Variants in KIAA0319L observed in about 807,000 individuals in gnomAD.
KIAA0319L encodes the protein dyslexia-associated protein KIAA0319-like protein.
In KIAA0319L, 55 loss-of-function variants were observed where a neutral mutation model predicts 120.1. The observed-to-expected ratio is 0.46, with a 90% confidence interval of 0.37 to 0.57. The LOEUF is 0.57. Among genes scored for constraint, KIAA0319L ranks in the 20% least tolerant of loss-of-function variants. The pLI, the probability that KIAA0319L is intolerant of heterozygous loss-of-function variation, is 0.00. For missense variants in KIAA0319L, 1,049 were observed against 1,255.3 expected, an observed-to-expected ratio of 0.84 and a Z score of 2.48; for synonymous variants, 398 against 471.9, an observed-to-expected ratio of 0.84 and a Z score of 2.03.
At chr1:35,515,413 CAATTACATG>C (rs1282342791) in intron 2 of KIAA0319L, among the ~76,000 whole-genome samples, 1 of 151,848 alleles carries the variant, frequency 6.6e-6, no homozygotes, top group Middle Eastern at 3.2e-3. Flanking sequence ...CAAAACCATG[CAATTACATG>C]AATTACATGA....
At chr1:35,542,514 T>C (rs1386061524) in intron 2 of KIAA0319L, among the ~76,000 whole-genome samples, 4 of 152,322 alleles carry the variant, frequency 2.6e-5, no homozygotes, top group South Asian at 2.1e-4. Flanking sequence ...CTTAACCATA[T>C]GGGCTTTTCT....
At chr1:35,485,304 T>G (rs2148336315) in intron 3 of KIAA0319L, among the ~76,000 whole-genome samples, 1 of 152,274 alleles carries the variant, frequency 6.6e-6, no homozygotes, top group Admixed American at 6.5e-5. Flanking sequence ...GGTTTTTTTT[T>G]CTTGTTTTTA....
chr1:35,502,296 A>C (rs943975776), intron 3 of KIAA0319L, among the ~76,000 whole-genome samples: 1 of 151,882 alleles, frequency 6.6e-6, no homozygotes, highest in Non-Finnish European at 1.5e-5. Flanking sequence ...AAAAGAAAAA[A>C]AAAACAGGAA....
chr1:35,477,390 G>A (rs143576365), intron 4 of KIAA0319L, among the ~76,000 whole-genome samples: 6,045 of 152,170 alleles, frequency 0.04, 149 homozygotes, highest in Non-Finnish European at 0.051. Flanking sequence ...TGAGATGGCC[G>A]GGCGCGGTGG....
chr1:35,481,824 T>C (rs1481720500), intron 3 of KIAA0319L, among the ~76,000 whole-genome samples: 4 of 131,938 alleles, frequency 3.0e-5, no homozygotes, highest in Admixed American at 1.5e-4. Context: ...CTTTTTTTTT[T>C]TTTTTTTTTT....
At chr1:35,483,902 G>A (rs1020686543) in intron 3 of KIAA0319L, among the ~76,000 whole-genome samples, 1 of 152,144 alleles carries the variant, frequency 6.6e-6, no homozygotes, top group African/African-American at 2.4e-5. Context: ...TCTAGCTCCT[G>A]GAGGCTCTTA....
chr1:35,484,806 A>ATATTT (rs1381080295), intron 3 of KIAA0319L, among the ~76,000 whole-genome samples: 27 of 86,250 alleles, frequency 3.1e-4, no homozygotes, highest in Middle Eastern at 5.1e-3. Context: ...ATATATATAT[A>ATATTT]TTTTTTTTTT....
At chr1:35,508,736 A>T (rs1645305128) in intron 2 of KIAA0319L, among the ~76,000 whole-genome samples, 1 of 152,184 alleles carries the variant, frequency 6.6e-6, no homozygotes, top group Non-Finnish European at 1.5e-5. Context: ...GAGTGAACAG[A>T]CTTTGTTGAA....
intron 2 of KIAA0319L, among the ~76,000 whole-genome samples, chr1:35,535,814 GATC>G (rs1254550039): frequency 2.6e-5 from 4 of 152,042 alleles, no homozygotes; most frequent in African/African-American, 4.8e-5. Flanking sequence ...TCTCTCACCA[GATC>G]ATATTTGTTT....
At chr1:35,509,081 T>G (rs536063088) in intron 2 of KIAA0319L, among the ~76,000 whole-genome samples, 1 of 152,256 alleles carries the variant, frequency 6.6e-6, no homozygotes, top group East Asian at 1.9e-4. Flanking sequence ...ATGAATCCCT[T>G]GGCTTTCTGC....
chr1:35,443,064 A>G, intron 17 of KIAA0319L, 36 bp from the exon 18 acceptor site: 6 of 1,613,530 alleles, frequency 3.7e-6, no homozygotes, highest in Non-Finnish European at 5.1e-6. Flanking sequence ...AGTCAACAAG[A>G]CTCAGCCAGG....
At chr1:35,555,092 C>T (rs1310947598) in intron 1 of KIAA0319L, 1 of 152,140 alleles carries the variant, frequency 6.6e-6, no homozygotes, top group African/African-American at 2.4e-5. Flanking sequence ...CACCCCAATC[C>T]CTGCATTCAA....
rs1457382959 is a variant in KIAA0319L, at chr1:35,437,895, T to G, written c.2963-2814A>C. Among the ~76,000 whole-genome samples the G allele has an allele frequency of 6.6e-6, 1 of 152,168 alleles. No individual in the cohort carries two copies. The highest frequency in any genetic ancestry group is 2.4e-5 in the African/African-American group (1 of 41,426). On this transcript the variant is annotated intron_variant, in intron 20 of 20. Transcript: ENST00000325722. The surrounding 1 kb of genome is among the most constrained non-coding windows in gnomAD (Gnocchi z 4.1). ...CTTACCCAGTCACTGCATCAGAGGT[T>G]CTGATTCTGTCAACAGCACTATCAT...
chr1:35,533,249 A>G (rs1169772001), intron 2 of KIAA0319L: 1 of 152,232 alleles, frequency 6.6e-6, no homozygotes, highest in African/African-American at 2.4e-5. Context: ...GGGAGCAGAG[A>G]CAGAACGTCC....
chr1:35,456,428 G>C (rs1194713363), intron 9 of KIAA0319L, among the ~76,000 whole-genome samples, 187 bp from the exon 10 acceptor site: 3 of 152,134 alleles, frequency 2.0e-5, no homozygotes, highest in African/African-American at 7.2e-5. Context: ...TGATGTGCTA[G>C]GCACTGCTCC....
At chr1:35,539,903 T>A (rs1393752179) in intron 2 of KIAA0319L, among the ~76,000 whole-genome samples, 1 of 152,204 alleles carries the variant, frequency 6.6e-6, no homozygotes. Flanking sequence ...GAAGTGAAAC[T>A]GAATCAATGT....
At chr1:35,537,598 C>T (rs192204446) in intron 2 of KIAA0319L, among the ~76,000 whole-genome samples, 17 of 126,370 alleles carry the variant, frequency 1.3e-4, no homozygotes, top group African/African-American at 4.3e-4. Context: ...CTTTTTGGAG[C>T]ATTATGTAAG....
In KIAA0319L at chr1:35,448,322, T is replaced by C. The variant is rs758574149; in HGVS notation, c.2364A>G (p.Lys788=). ...TTVEVKPDPR[K]NNLVEIILDI... is the part of the protein sequence containing the mutation. The stretch of plus-strand genomic sequence containing the variant: ...CCAAGATGATCTCCACCAGGTTGTT[T>C]TTCCTGGGATCTGGAAAGCATGTGG... Residue 788 remains lysine, a synonymous_variant, in exon 16 of 21, where the codon AAA becomes AAG. Coordinates refer to ENST00000325722, the MANE Select transcript of KIAA0319L (RefSeq NM_024874.5). 1.2e-6 allele frequency: 2 copies of C among 1,613,656 alleles called. No individual in the cohort carries two copies. Among genetic ancestry groups the C allele is most frequent in the African/African-American group, 1.3e-5 (1 of 74,928 alleles).
intron 2 of KIAA0319L, among the ~76,000 whole-genome samples, chr1:35,509,120 G>GC (rs1384759978): frequency 1.3e-5 from 2 of 152,110 alleles, no homozygotes; most frequent in African/African-American, 4.8e-5. Context: ...TGTGGCACAG[G>GC]CAAGAAGAAG....
Sources: allele counts gnomAD v4.1 joint callset (sites outside exome capture counted in the v4.1 genomes callset), GRCh38; gene constraint gnomAD v4.1.1; non-coding constraint Gnocchi (gnomAD v3.1); transcripts MANE v1.5; gene names NCBI Gene and HGNC (gene_info 2026-07-23, HGNC 2026-07-21).